Variants in KIF5C observed in about 807,000 individuals in gnomAD.
KIF5C encodes the protein kinesin family member 5C.
Under a neutral mutation model 125.2 loss-of-function variants are expected in KIF5C, and 18 were observed. That is an observed-to-expected ratio of 0.14 (90% CI 0.10 to 0.21). The LOEUF (loss-of-function observed/expected upper bound fraction) is 0.21. KIF5C is among the 10% of genes least tolerant of loss of function. The pLI is 1.00. For missense variants in KIF5C, 780 were observed against 1,183.8 expected (o/e 0.66, Z 5.01); for synonymous variants, 405 against 434.0 (o/e 0.93, Z 0.83).
At chr2:149,004,539 C>G (rs561500883) in intron 21 of KIF5C, among the ~76,000 whole-genome samples, 1 of 152,200 alleles carries the variant, frequency 6.6e-6, no homozygotes, top group African/African-American at 2.4e-5. Context: ...CCTAAGGTTT[C>G]ATTTGTAGAA....
Position 148,876,003 on chromosome 2 carries a change from A to T in KIF5C, c.126+260A>T, listed in dbSNP as rs1681177446. Among the ~76,000 whole-genome samples the T allele has an allele frequency of 1.3e-5, 2 of 151,216 alleles. No individual in the cohort carries two copies. The highest frequency in any genetic ancestry group is 4.2e-4 in the South Asian group (2 of 4,794). On this transcript the variant is annotated intron_variant, in intron 1 of 25. Transcript: ENST00000435030. The surrounding 1 kb of genome is among the most constrained non-coding windows in gnomAD (Gnocchi z 4.7). ...GGGCGAAGACGGGCTCGGCGCCGCC[A>T]TTGTTCGCCGGGTGGGGGCCCGGGT...
Position 149,011,610 on chromosome 2 carries a change from A to G in KIF5C, c.2808A>G (p.Pro936=), listed in dbSNP as rs1682200075. The change falls in exon 25 of 26, where the codon CCA becomes CCG. Residue 936 remains proline, a synonymous_variant. Coordinates refer to ENST00000435030, the MANE Select transcript of KIF5C (RefSeq NM_004522.3). ...CCGGACACTACCCGGCCTCATCTCC[A>G]ACGGCCGTCCATGCCATTCGAGGGG... ...IRPGHYPASS[P]TAVHAIRGGG... is the part of the protein sequence containing the mutation. 2 of 1,613,900 alleles carry G rather than the reference A, an allele frequency of 1.2e-6. No homozygotes were observed. Among genetic ancestry groups the G allele is most frequent in the Admixed American group, 1.7e-5 (1 of 60,004 alleles).
intron 1 of KIF5C, among the ~76,000 whole-genome samples, chr2:148,907,178 G>A (rs966958304): frequency 2.6e-5 from 4 of 151,808 alleles, no homozygotes; most frequent in Admixed American, 2.6e-4. Context: ...CCTCTTTGCT[G>A]CTGTCCTGTG....
At chr2:148,927,465 G>T (rs1682047452) in intron 2 of KIF5C, among the ~76,000 whole-genome samples, 1 of 150,550 alleles carries the variant, frequency 6.6e-6, no homozygotes, top group Non-Finnish European at 1.5e-5. Context: ...AGAGGCTTAA[G>T]ACAAGGAAAG....
At chr2:148,903,324 T>A (rs1680976773) in intron 1 of KIF5C, among the ~76,000 whole-genome samples, 1 of 152,216 alleles carries the variant, frequency 6.6e-6, no homozygotes, top group Non-Finnish European at 1.5e-5. Flanking sequence ...TGAAGCTCAT[T>A]CCAGCAGAAT....
intron 10 of KIF5C, among the ~76,000 whole-genome samples, chr2:148,951,755 A>G (rs1574780984): frequency 6.6e-6 from 1 of 152,282 alleles, no homozygotes; most frequent in South Asian, 2.1e-4. Context: ...TCATTTGTAC[A>G]TGGATGCACA....
Position 148,942,104 on chromosome 2 carries a change from C to G in KIF5C, c.501+114C>G, listed in dbSNP as rs537638140. 16 of 1,178,980 alleles carry G rather than the reference C, an allele frequency of 1.4e-5. No homozygotes were observed. The South Asian group carries it at 2.5e-4, about 19-fold the overall frequency. 73.0% of individuals were successfully genotyped at this position (1,178,980 alleles called of 1,614,324 possible). A position where few individuals can be genotyped will look rare whatever the true frequency, so the allele number is the denominator to read the frequency against. ...TGTAAAGAGCATATAGGCATTTATT[C>G]AGGCTCCTTATATTTAATATTCATC... On this transcript the variant is annotated intron_variant, in intron 6 of 25. Coordinates refer to ENST00000435030, the MANE Select transcript of KIF5C (RefSeq NM_004522.3).
intron 1 of KIF5C, among the ~76,000 whole-genome samples, chr2:148,914,281 C>T (rs73007594): frequency 0.18 from 28,056 of 152,174 alleles, 4,431 homozygotes; most frequent in African/African-American, 0.43. Context: ...AAGGAGTTCA[C>T]TGTATTTTGA....
intron 15 of KIF5C, among the ~76,000 whole-genome samples, chr2:148,988,791 T>A (rs1681450088): frequency 6.6e-6 from 1 of 151,852 alleles, no homozygotes; most frequent in Admixed American, 6.6e-5. Flanking sequence ...TAGTGAGGAG[T>A]GGTTTTGGTA....
Position 149,010,227 on chromosome 2 carries a change from C to A in KIF5C, c.2643C>A (p.Ser881Arg). The change falls in exon 24 of 26, where the codon AGC becomes AGA. Residue 881 changes from serine to arginine, a missense_variant. Ser to Arg is a moderately radical substitution (Grantham distance 110, BLOSUM62 -1). Coordinates refer to ENST00000435030, the MANE Select transcript of KIF5C (RefSeq NM_004522.3). ...CGGAGCGCGTCAAGGCTCTGGAGAGCGCGCTGAAGGAGGCCAAGGAGAACG... is the reference window on the plus strand; with the variant it reads ...CGGAGCGCGTCAAGGCTCTGGAGAGAGCGCTGAAGGAGGCCAAGGAGAACG... ...ATAERVKALE[S>R]ALKEAKENAM... 1.9e-6 allele frequency: 3 copies of A among 1,570,552 alleles called. No homozygotes were observed. Among genetic ancestry groups the A allele is most frequent in the Middle Eastern group, 1.7e-4 (1 of 6,016 alleles).
chr2:148,891,628 C>T (rs1449878305), intron 1 of KIF5C, among the ~76,000 whole-genome samples: 2 of 152,182 alleles, frequency 1.3e-5, no homozygotes, highest in South Asian at 2.1e-4. Flanking sequence ...GTAATTCTAA[C>T]AGTGTAGTGA....
At chr2:148,926,782 A>G (rs1002243914) in intron 2 of KIF5C, among the ~76,000 whole-genome samples, 3 of 152,220 alleles carry the variant, frequency 2.0e-5, no homozygotes, top group Non-Finnish European at 4.4e-5. Context: ...CTTTTCGTTT[A>G]AATTACCTTC....
rs1297855669 is a variant in KIF5C, at chr2:148,935,977, G to A, written c.292-1307G>A. On this transcript the variant is annotated intron_variant, in intron 3 of 25. Coordinates refer to ENST00000435030, the MANE Select transcript of KIF5C (RefSeq NM_004522.3). ...ATTCCAGAGGAGTATCCATTTTTCCGGATGAGAGAGCTTTGCTGGAGGCCA... is the reference window on the plus strand; with the variant it reads ...ATTCCAGAGGAGTATCCATTTTTCCAGATGAGAGAGCTTTGCTGGAGGCCA... Among the ~76,000 whole-genome samples the A allele has an allele frequency of 5.3e-5, 8 of 152,226 alleles. No homozygotes were observed. In the South Asian group the frequency reaches 1.0e-3, roughly 20 times the overall value.
At chr2:149,010,719 C>T (rs1039470497) in intron 24 of KIF5C, among the ~76,000 whole-genome samples, 4 of 152,218 alleles carry the variant, frequency 2.6e-5, no homozygotes, top group African/African-American at 9.7e-5. Context: ...GTTCTGCACC[C>T]GGTGGGAGCA....
At chr2:148,980,330 CTGGGA>C (rs1364128796) in intron 13 of KIF5C, among the ~76,000 whole-genome samples, 1 of 152,134 alleles carries the variant, frequency 6.6e-6, no homozygotes, top group East Asian at 1.9e-4. Flanking sequence ...GCACAGCTGC[CTGGGA>C]TAAACTTTAC....
chr2:148,980,919 A>G lies in KIF5C; in HGVS notation c.1363-436A>G, dbSNP rs545058251. Among the ~76,000 whole-genome samples the G allele has an allele frequency of 1.0e-3, 154 of 151,926 alleles. 2 individuals carry two copies. The highest frequency in any genetic ancestry group is 3.3e-3 in the African/African-American group (138 of 41,396). ...GAGATGGGGTTTTGCCATATTGGCCAGGCTGTTTGTGAACTCTTGACCTCA... is the reference window on the plus strand; with the variant it reads ...GAGATGGGGTTTTGCCATATTGGCCGGGCTGTTTGTGAACTCTTGACCTCA... On this transcript the variant is annotated intron_variant, in intron 13 of 25. Coordinates refer to ENST00000435030, the MANE Select transcript of KIF5C (RefSeq NM_004522.3).
intron 15 of KIF5C, 135 bp downstream of exon 15, chr2:148,983,901 G>A (rs943960356): frequency 1.6e-5 from 19 of 1,216,474 alleles, no homozygotes; most frequent in Admixed American, 4.1e-5. Flanking sequence ...TTGAATGAAT[G>A]AAAAAAGGGC....
chr2:148,950,185 C>A, intron 9 of KIF5C, 129 bp from the exon 10 acceptor site: 1 of 1,444,446 alleles, frequency 6.9e-7, no homozygotes, highest in Non-Finnish European at 9.2e-7. Flanking sequence ...TGGCAAGATC[C>A]AAAGACCCAG....
In KIF5C at chr2:148,968,235, G is replaced by T. The variant is rs547007514; in HGVS notation, c.1118-5101G>T. On this transcript the variant is annotated intron_variant, in intron 11 of 25. Coordinates refer to ENST00000435030, the MANE Select transcript of KIF5C (RefSeq NM_004522.3). ...ACCTTATCTGCTGAAGTCATGCAAAGAAATGATTTCATCACAGGCTGAGAA... is the reference window on the plus strand; with the variant it reads ...ACCTTATCTGCTGAAGTCATGCAAATAAATGATTTCATCACAGGCTGAGAA... Among the ~76,000 whole-genome samples the T allele has an allele frequency of 3.9e-5, 6 of 152,276 alleles. No homozygotes were observed. The South Asian group carries it at 1.2e-3, about 32-fold the overall frequency.
Sources: allele counts gnomAD v4.1 joint callset (sites outside exome capture counted in the v4.1 genomes callset), GRCh38; gene constraint gnomAD v4.1.1; non-coding constraint Gnocchi (gnomAD v3.1); transcripts MANE v1.5; gene names NCBI Gene and HGNC (gene_info 2026-07-23, HGNC 2026-07-21).